SGCZ: variants seen among roughly 807,000 people sequenced by gnomAD.
The protein encoded by SGCZ is sarcoglycan zeta, also known as zeta-sarcoglycan.
Under a neutral mutation model 41.3 loss-of-function variants are expected in SGCZ, and 40 were observed. That is an observed-to-expected ratio of 0.97 (90% CI 0.75 to 1.26). The LOEUF (loss-of-function observed/expected upper bound fraction) is 1.26, where lower values mean the gene tolerates loss of function less well. Among genes scored for constraint, SGCZ ranks in the 50% most tolerant of loss-of-function variants. The pLI, the probability that SGCZ is intolerant of heterozygous loss-of-function variation, is 0.00. For synonymous variants in SGCZ, 206 were observed against 137.5 expected, an observed-to-expected ratio of 1.50 and a Z score of -3.49; for missense variants, 552 against 369.8, an observed-to-expected ratio of 1.49 and a Z score of -4.04.
At chr8:14,451,380 G>T (rs1240761484) in intron 2 of SGCZ, among the ~76,000 whole-genome samples, 1 of 152,088 alleles carries the variant, frequency 6.6e-6, no homozygotes, top group Non-Finnish European at 1.5e-5. Flanking sequence ...CTTATTTCAG[G>T]GTACAGTGTT....
intron 1 of SGCZ, among the ~76,000 whole-genome samples, chr8:14,954,074 G>A (rs139493700): frequency 3.0e-4 from 45 of 152,256 alleles, no homozygotes; most frequent in Middle Eastern, 3.4e-3. Context: ...CTCTTGAAAT[G>A]CTACTTAATT....
At chr8:15,186,262 CAAAAAAAAAAAA>C (rs61237091) in intron 1 of SGCZ, among the ~76,000 whole-genome samples, 210 of 80,618 alleles carry the variant, frequency 2.6e-3, no homozygotes, top group African/African-American at 0.011. Context: ...GATTCCGTAC[CAAAAAAAAAAAA>C]AAAAAAAAAA....
At chr8:14,658,728 T>G (rs1233379353) in intron 1 of SGCZ, among the ~76,000 whole-genome samples, 1 of 152,190 alleles carries the variant, frequency 6.6e-6, no homozygotes, top group African/African-American at 2.4e-5. Context: ...ACTAATAATT[T>G]CACCTGTTTG....
chr8:14,706,129 C>T (rs1013348010), intron 1 of SGCZ, among the ~76,000 whole-genome samples: 1 of 151,898 alleles, frequency 6.6e-6, no homozygotes, highest in Non-Finnish European at 1.5e-5. Flanking sequence ...GGTCTAATAG[C>T]TTTTAGTCTT....
chr8:15,065,289 C>T lies in SGCZ; in HGVS notation c.39+172296G>A, dbSNP rs143727870. 2.6e-4 allele frequency among the ~76,000 whole-genome samples: 39 copies of T among 152,090 alleles called. No individual in the cohort carries two copies. In the South Asian group the frequency reaches 5.4e-3, roughly 21 times the overall value. ...CAGTTTGGTATTCCTTCCTCATTGT[C>T]GAGGCAGAATTAGAAGATTCTTTCC... On this transcript the variant is annotated intron_variant, in intron 1 of 7. Coordinates refer to ENST00000382080, the MANE Select transcript of SGCZ (RefSeq NM_139167.4).
intron 1 of SGCZ, among the ~76,000 whole-genome samples, chr8:14,752,279 T>A: frequency 6.6e-6 from 1 of 152,186 alleles, no homozygotes; most frequent in East Asian, 1.9e-4. Flanking sequence ...TTAGAACGCA[T>A]TTATCAAGTG....
intron 1 of SGCZ, among the ~76,000 whole-genome samples, chr8:14,989,980 T>G (rs1801952638): frequency 6.6e-6 from 1 of 152,062 alleles, no homozygotes; most frequent in Non-Finnish European, 1.5e-5. Context: ...GAGGTACGCA[T>G]GACTGAGGCA....
rs1050937208 is a variant in SGCZ at position 14,643,197 on chromosome 8, A to C, written c.40-88271T>G. 4.0e-5 allele frequency among the ~76,000 whole-genome samples: 6 copies of C among 151,644 alleles called. No individual in the cohort carries two copies. The East Asian group carries it at 1.2e-3, about 29-fold the overall frequency. ...AGCAAGAAAGTATTTCCTGATTGGC[A>C]TCACTGAACATAGGAAGTCAACTCC... On this transcript the variant is annotated intron_variant, in intron 1 of 7. Coordinates refer to ENST00000382080, the MANE Select transcript of SGCZ (RefSeq NM_139167.4).
At chr8:14,556,870 T>C (rs1253934589) in intron 1 of SGCZ, among the ~76,000 whole-genome samples, 2 of 152,094 alleles carry the variant, frequency 1.3e-5, no homozygotes, top group Non-Finnish European at 2.9e-5. Flanking sequence ...ATTTTTGTAA[T>C]TGTGAATTGT....
At chr8:15,186,965 A>C (rs1227770209) in intron 1 of SGCZ, among the ~76,000 whole-genome samples, 1 of 152,156 alleles carries the variant, frequency 6.6e-6, no homozygotes, top group African/African-American at 2.4e-5. Context: ...ATATAATGTC[A>C]GTTGAGAGGA....
In SGCZ at chr8:15,069,030, G is replaced by A. The variant is rs567489695; in HGVS notation, c.39+168555C>T. The stretch of plus-strand genomic sequence containing the variant: ...AAAATACTCCCTACTGGACAAAAAC[G>A]GGCTACTGCTGAAGTTAAAGTATTG... On this transcript the variant is annotated intron_variant, in intron 1 of 7. Transcript: ENST00000382080. Among the ~76,000 whole-genome samples the A allele has an allele frequency of 1.5e-4, 23 of 152,194 alleles. 1 individual carries two copies. The highest frequency in any genetic ancestry group is 1.4e-3 in the Admixed American group (21 of 15,284).
intron 1 of SGCZ, chr8:14,879,351 C>G (rs1804489460): frequency 6.6e-6 from 1 of 151,230 alleles, no homozygotes. Flanking sequence ...AACAAACAGA[C>G]AAATAAAAAA....
intron 1 of SGCZ, among the ~76,000 whole-genome samples, chr8:14,999,054 G>C (rs1185631901): frequency 6.6e-6 from 1 of 152,122 alleles, no homozygotes; most frequent in Non-Finnish European, 1.5e-5. Context: ...GGTGATGTTG[G>C]CAGAATTATG....
At chr8:15,078,032 G>C (rs886942370) in intron 1 of SGCZ, among the ~76,000 whole-genome samples, 5 of 152,094 alleles carry the variant, frequency 3.3e-5, no homozygotes, top group South Asian at 2.1e-4. Flanking sequence ...TGGGGGACTG[G>C]GATAGAGCCA....
chr8:14,350,627 A>T (rs1563273371), intron 2 of SGCZ, among the ~76,000 whole-genome samples: 1 of 151,986 alleles, frequency 6.6e-6, no homozygotes, highest in East Asian at 1.9e-4. Context: ...GCCCACTCTG[A>T]AGGTCAATTA....
At chr8:14,209,353 C>G (rs1212611575) in intron 4 of SGCZ, among the ~76,000 whole-genome samples, 2 of 151,818 alleles carry the variant, frequency 1.3e-5, no homozygotes, top group Non-Finnish European at 2.9e-5. Context: ...CTTTCTTTCG[C>G]CTGTTAAACT....
At chr8:14,491,568 T>C (rs1415375788) in intron 2 of SGCZ, among the ~76,000 whole-genome samples, 2 of 152,346 alleles carry the variant, frequency 1.3e-5, no homozygotes, top group East Asian at 3.9e-4. Context: ...AAGTTTTTTA[T>C]ATCCTTTAAT....
chr8:14,606,599 T>C (rs1422437549), intron 1 of SGCZ, among the ~76,000 whole-genome samples: 1 of 152,170 alleles, frequency 6.6e-6, no homozygotes. Flanking sequence ...GCCTGTTTCA[T>C]TTGTCATATC....
intron 1 of SGCZ, among the ~76,000 whole-genome samples, chr8:14,641,391 G>A (rs1038648441): frequency 6.6e-6 from 1 of 151,654 alleles, no homozygotes; most frequent in Non-Finnish European, 1.5e-5. Flanking sequence ...AATGTTTGTA[G>A]AAAAAATCGT....
Sources: gnomAD v4.1 joint callset for allele counts (sites outside exome capture counted in the v4.1 genomes callset) on GRCh38, gnomAD v4.1.1 for gene constraint, MANE v1.5 for transcripts, NCBI Gene and HGNC (gene_info 2026-07-23, HGNC 2026-07-21) for gene names.